RPS6KA3: variants seen among roughly 807,000 people sequenced by gnomAD.
RPS6KA3 encodes the protein ribosomal protein S6 kinase A3, also known as ribosomal protein S6 kinase alpha-3.
Under a neutral mutation model 67.2 loss-of-function variants are expected in RPS6KA3, and 4 were observed. The observed-to-expected ratio is 0.06, with a 90% confidence interval of 0.03 to 0.14. The LOEUF is 0.14. RPS6KA3 is among the 10% of genes least tolerant of loss of function. The pLI is 1.00. For synonymous variants in RPS6KA3, 182 were observed against 183.7 expected (o/e 0.99, Z 0.07); for missense variants, 204 against 559.0 (o/e 0.36, Z 6.40).
intron 20 of RPS6KA3, among the ~76,000 whole-genome samples, chrX:20,158,791 T>C (rs775249930): frequency 1.5e-4 from 17 of 111,700 alleles, no homozygotes; most frequent in Non-Finnish European, 1.9e-5. Flanking sequence ...CTAAGCTTTC[T>C]CTTTAAGTGG....
chrX:20,242,843 G>A (rs991359600), intron 1 of RPS6KA3, among the ~76,000 whole-genome samples: 2 of 111,065 alleles, frequency 1.8e-5, no homozygotes, highest in Non-Finnish European at 1.9e-5. Flanking sequence ...ATGAGAAGAG[G>A]AAACAGAAAT....
At chrX:20,249,905 T>C (rs994704836) in intron 1 of RPS6KA3, among the ~76,000 whole-genome samples, 2 of 112,470 alleles carry the variant, frequency 1.8e-5, no homozygotes, top group Middle Eastern at 9.2e-3. Flanking sequence ...TTCAAATCCA[T>C]GATCCATTTT....
At chrX:20,234,674 G>T in intron 2 of RPS6KA3, 84 bp downstream of exon 2, 2 of 692,082 alleles carry the variant, frequency 2.9e-6, no homozygotes, top group Non-Finnish European at 4.7e-6. Context: ...ACTGTAAAAT[G>T]ATTACTCTGC....
chrX:20,265,357 T>C (rs1216841663), intron 1 of RPS6KA3: 1 of 112,264 alleles, frequency 8.9e-6, no homozygotes, highest in African/African-American at 3.3e-5. Context: ...TCGGTTTTAC[T>C]GACGTAACCA....
intron 10 of RPS6KA3, among the ~76,000 whole-genome samples, chrX:20,185,414 C>T (rs1603424571): frequency 9.1e-6 from 1 of 110,412 alleles, no homozygotes; most frequent in African/African-American, 3.3e-5. Context: ...GCTCTGTCAC[C>T]CAGGCTGGGG....
chrX:20,213,812 A>T (rs1392412628), intron 2 of RPS6KA3, among the ~76,000 whole-genome samples: 1 of 110,699 alleles, frequency 9.0e-6, no homozygotes, highest in African/African-American at 3.3e-5. Context: ...CTGATTCTAA[A>T]GTTGAAAGCC....
In RPS6KA3 at chrX:20,167,728, T is replaced by C; in HGVS notation, c.1463A>G (p.Tyr488Cys). 8.7e-7 allele frequency: 1 copy of C among 1,153,762 alleles called. No homozygotes were observed. Among genetic ancestry groups the C allele is most frequent in the Non-Finnish European group, 1.2e-6 (1 of 842,220 alleles). ...TLKDVYDDGKYVYVVTELMKG... is the reference protein window; with the variant it reads ...TLKDVYDDGKCVYVVTELMKG... ...CATAAGTTCTGTTACTACATACACA[T>C]ACTTTCCATCATCATATACCTATAA... Residue 488 changes from tyrosine to cysteine, a missense_variant, in exon 17 of 22, where the codon TAT becomes TGT. This residue lies in a region of RPS6KA3 where 73 missense variants were observed against 241.1 expected (regional missense o/e 0.30). Coordinates refer to ENST00000379565, the MANE Select transcript of RPS6KA3 (RefSeq NM_004586.3).
intron 2 of RPS6KA3, among the ~76,000 whole-genome samples, chrX:20,224,469 G>T (rs768810700): frequency 9.1e-6 from 1 of 110,223 alleles, no homozygotes; most frequent in Non-Finnish European, 1.9e-5. Context: ...AAAAAAAATC[G>T]ACCCATACGA....
At chrX:20,244,841 A>G (rs965291113) in intron 1 of RPS6KA3, among the ~76,000 whole-genome samples, 2 of 112,230 alleles carry the variant, frequency 1.8e-5, no homozygotes, top group Admixed American at 9.4e-5. Context: ...TATTCTAGGA[A>G]GGTTATGGTT....
chrX:20,194,853 T>C (rs1005115829), intron 5 of RPS6KA3, among the ~76,000 whole-genome samples: 1 of 111,422 alleles, frequency 9.0e-6, no homozygotes, highest in Non-Finnish European at 1.9e-5. Context: ...ACTCAGAAAC[T>C]AACTTTATAA....
At chrX:20,184,779 G>T (rs1346577765) in intron 10 of RPS6KA3, among the ~76,000 whole-genome samples, 1 of 111,214 alleles carries the variant, frequency 9.0e-6, no homozygotes, top group East Asian at 2.8e-4. Context: ...CACTGGGTCT[G>T]TCATAACATG....
rs779810754 is a variant in RPS6KA3 at position 20,169,542 on chromosome X, CATTA to C, written c.1354-55_1354-52del. On this transcript the variant is annotated intron_variant, in intron 15 of 21. Coordinates refer to ENST00000379565, the MANE Select transcript of RPS6KA3 (RefSeq NM_004586.3). The stretch of plus-strand genomic sequence containing the variant: ...ACCTCATCAACTATACAGTTATAAA[CATTA>C]ATTGTTTATAGCTACAGACCTTGGG... 37 of 747,084 alleles carry C rather than the reference CATTA, an allele frequency of 5.0e-5. 2 individuals carry two copies. In the South Asian group the frequency reaches 6.7e-4, roughly 13 times the overall value. The allele number at this position is 747,084 out of a possible 1,213,427, so 61.6% of individuals were successfully genotyped here. A position where few individuals can be genotyped will look rare whatever the true frequency, so the allele number is the denominator to read the frequency against.
intron 2 of RPS6KA3, among the ~76,000 whole-genome samples, chrX:20,226,019 C>T (rs911852269): frequency 2.7e-5 from 3 of 110,365 alleles, no homozygotes; most frequent in African/African-American, 9.9e-5. Context: ...AACCCCATCT[C>T]TAAAATACAA....
At chrX:20,204,974 G>A (rs1293611884) in intron 3 of RPS6KA3, among the ~76,000 whole-genome samples, 2 of 111,858 alleles carry the variant, frequency 1.8e-5, no homozygotes, top group African/African-American at 3.2e-5. Context: ...GAAGAATCCT[G>A]TGCACAAATA....
At chrX:20,204,169 AC>A in intron 3 of RPS6KA3, 66 bp from the exon 4 acceptor site, 8 of 670,997 alleles carry the variant, frequency 1.2e-5, no homozygotes, top group Non-Finnish European at 1.9e-5. Context: ...TTAAAATAAG[AC>A]CCTGCTATAA....
intron 2 of RPS6KA3, among the ~76,000 whole-genome samples, chrX:20,214,825 T>TTTTTTTTC (rs1486290580): frequency 1.5e-3 from 159 of 106,671 alleles, no homozygotes; most frequent in South Asian, 5.1e-3. Context: ...CTGTTTCCAC[T>TTTTTTTTC]TTTTTTTCTT....
At chrX:20,254,494 G>A (rs1359421707) in intron 1 of RPS6KA3, among the ~76,000 whole-genome samples, 1 of 111,935 alleles carries the variant, frequency 8.9e-6, no homozygotes, top group East Asian at 2.8e-4. Context: ...CACTTTCATA[G>A]AACCTAGAGC....
intron 5 of RPS6KA3, 21 bp downstream of exon 5, chrX:20,195,044 T>C (rs753616510): frequency 5.7e-6 from 6 of 1,046,472 alleles, no homozygotes; most frequent in Non-Finnish European, 1.3e-6. Context: ...AGGGATGATG[T>C]GGGAGACGGC....
intron 15 of RPS6KA3, among the ~76,000 whole-genome samples, chrX:20,169,920 T>C (rs1188764465): frequency 8.9e-6 from 1 of 112,331 alleles, no homozygotes; most frequent in Non-Finnish European, 1.9e-5. Flanking sequence ...ACCACTAGCA[T>C]CTGCTTATTG....
Sources: gnomAD v4.1 joint callset for allele counts (sites outside exome capture counted in the v4.1 genomes callset) on GRCh38, gnomAD v4.1.1 for gene constraint, gnomAD v4.1.1 regional missense constraint, MANE v1.5 for transcripts, NCBI Gene and HGNC (gene_info 2026-07-23, HGNC 2026-07-21) for gene names.